The following MTUS2 variants were observed in gnomAD, a reference collection of about 807,000 sequenced individuals.
MTUS2 encodes microtubule associated scaffold protein 2.
In MTUS2, 40 loss-of-function variants were observed where a neutral mutation model predicts 114.1. The observed-to-expected ratio is 0.35, with a 90% CI of 0.27 to 0.46. MTUS2 has a LOEUF of 0.46. Among genes scored for constraint, MTUS2 ranks in the 20% least tolerant of loss-of-function variants. The probability of loss-of-function intolerance (pLI) is 1.00; values close to 1 mark genes in which losing one functional copy is unlikely to be tolerated. For synonymous variants in MTUS2, 688 were observed against 672.0 expected (o/e 1.02, Z -0.37); for missense variants, 1,679 against 1,705.4 (o/e 0.98, Z 0.27).
chr13:29,273,924 G>A (rs976893516), intron 5 of MTUS2, among the ~76,000 whole-genome samples: 3 of 152,112 alleles, frequency 2.0e-5, no homozygotes, highest in Non-Finnish European at 2.9e-5. Context: ...TTCATCAGTC[G>A]ATGGGGGGCC....
chr13:29,071,901 G>A (rs1162011092), intron 4 of MTUS2: 1 of 152,124 alleles, frequency 6.6e-6, no homozygotes, highest in African/African-American at 2.4e-5. Flanking sequence ...GAAAATGTAT[G>A]CGTACTGGGT....
At chr13:29,219,461 G>A (rs939831699) in intron 5 of MTUS2, among the ~76,000 whole-genome samples, 1 of 152,004 alleles carries the variant, frequency 6.6e-6, no homozygotes, top group Non-Finnish European at 1.5e-5. Context: ...ATAGCAGCAT[G>A]ATTTATAGTC....
At chr13:29,209,784 C>T (rs1235409223) in intron 5 of MTUS2, among the ~76,000 whole-genome samples, 1 of 152,176 alleles carries the variant, frequency 6.6e-6, no homozygotes, top group African/African-American at 2.4e-5. Context: ...TGTAGGGTTT[C>T]TGCTGAGAAA....
intron 9 of MTUS2, among the ~76,000 whole-genome samples, chr13:29,470,704 C>A (rs1285577638): frequency 6.6e-6 from 1 of 152,222 alleles, no homozygotes; most frequent in Non-Finnish European, 1.5e-5. Context: ...TTTTGAGGGG[C>A]CACAGGCCCT....
At chr13:29,272,306 A>T (rs942328448) in intron 5 of MTUS2, among the ~76,000 whole-genome samples, 1 of 151,978 alleles carries the variant, frequency 6.6e-6, no homozygotes, top group African/African-American at 2.4e-5. Context: ...TAGGATTGTT[A>T]AAAAAAATCA....
At chr13:29,094,762 T>C (rs557663793) in intron 4 of MTUS2, among the ~76,000 whole-genome samples, 1 of 152,150 alleles carries the variant, frequency 6.6e-6, no homozygotes, top group South Asian at 2.1e-4. Context: ...TGTTTTAAAG[T>C]CAAAAATTAC....
At chr13:29,019,515 T>C (rs756405176) in intron 2 of MTUS2, among the ~76,000 whole-genome samples, 19 of 152,332 alleles carry the variant, frequency 1.2e-4, no homozygotes, top group Admixed American at 5.9e-4. Flanking sequence ...GATAGAACGA[T>C]GCATTGAGAC....
At chr13:29,414,957 A>G (rs937047621) in intron 8 of MTUS2, among the ~76,000 whole-genome samples, 64 of 148,176 alleles carry the variant, frequency 4.3e-4, no homozygotes, top group African/African-American at 1.4e-3. Flanking sequence ...TATGCTTTAA[A>G]TGTGTCCGAT....
chr13:29,043,562 A>C (rs1238912731), intron 4 of MTUS2, among the ~76,000 whole-genome samples: 1 of 140,646 alleles, frequency 7.1e-6, no homozygotes, highest in Non-Finnish European at 1.5e-5. Flanking sequence ...ATTGCAGTCT[A>C]TGTCATATGT....
chr13:29,340,057 A>C (rs899485957), intron 7 of MTUS2, among the ~76,000 whole-genome samples: 12 of 152,264 alleles, frequency 7.9e-5, no homozygotes, highest in African/African-American at 2.7e-4. Context: ...TCAGGACGCC[A>C]GAAAGCGCGC....
intron 3 of MTUS2, 136 bp from the exon 4 acceptor site, chr13:29,033,749 G>A: frequency 1.0e-6 from 1 of 997,910 alleles, no homozygotes; most frequent in Non-Finnish European, 1.5e-6. Flanking sequence ...GTGGCCCGGG[G>A]AAGGTAGGGG....
At chr13:29,015,428 G>C (rs1409546058) in intron 2 of MTUS2, among the ~76,000 whole-genome samples, 1 of 152,106 alleles carries the variant, frequency 6.6e-6, no homozygotes, top group Non-Finnish European at 1.5e-5. Context: ...AGGGTAGTAG[G>C]TATTTATTCA....
intron 5 of MTUS2, among the ~76,000 whole-genome samples, chr13:29,226,045 G>A (rs1896095226): frequency 6.6e-6 from 1 of 152,066 alleles, no homozygotes; most frequent in Non-Finnish European, 1.5e-5. Context: ...GGTTAGTGCT[G>A]GCCGTACTTT....
intron 5 of MTUS2, among the ~76,000 whole-genome samples, chr13:29,127,746 T>C (rs1055791365): frequency 2.4e-4 from 36 of 152,364 alleles, no homozygotes; most frequent in Admixed American, 2.0e-3. Context: ...CTTGCCCTGA[T>C]TCTCCTCTGA....
At chr13:28,842,138 G>A (rs902361321) in intron 2 of MTUS2, among the ~76,000 whole-genome samples, 1 of 151,924 alleles carries the variant, frequency 6.6e-6, no homozygotes, top group Non-Finnish European at 1.5e-5. Context: ...CCCCAGTGTT[G>A]TTTACATCTA....
In MTUS2 at chr13:29,060,647, C is replaced by T. The variant is rs1593434200; in HGVS notation, c.2446+26522C>T. ...TCTATTTAAAATAGGCTTTAAAAATCTAATCCTCCAATTTCTGCCTTTTAA... is the reference window on the plus strand; with the variant it reads ...TCTATTTAAAATAGGCTTTAAAAATTTAATCCTCCAATTTCTGCCTTTTAA... On this transcript the variant is annotated intron_variant, in intron 4 of 15. Transcript: ENST00000612955. 2.8e-5 allele frequency among the ~76,000 whole-genome samples: 4 copies of T among 144,850 alleles called. No individual in the cohort carries two copies. The Admixed American group carries it at 2.8e-4, about 10-fold the overall frequency.
intron 9 of MTUS2, among the ~76,000 whole-genome samples, chr13:29,464,051 G>T (rs570103016): frequency 1.3e-5 from 2 of 152,334 alleles, no homozygotes; most frequent in South Asian, 4.1e-4. Context: ...AGATGGCGTG[G>T]TAGAGCCATT....
At chr13:29,375,467 T>G in intron 8 of MTUS2, among the ~76,000 whole-genome samples, 1 of 129,608 alleles carries the variant, frequency 7.7e-6, no homozygotes, top group Non-Finnish European at 1.6e-5. Flanking sequence ...ACAACCGCAA[T>G]TACTTACTTT....
chr13:29,140,413 G>A (rs973814706), intron 5 of MTUS2, among the ~76,000 whole-genome samples: 2 of 152,228 alleles, frequency 1.3e-5, no homozygotes, highest in African/African-American at 4.8e-5. Context: ...TGACTTTGCT[G>A]TGAGGTTGGC....
Sources: gnomAD v4.1 joint callset for allele counts (sites outside exome capture counted in the v4.1 genomes callset) on GRCh38, gnomAD v4.1.1 for gene constraint, MANE v1.5 for transcripts, NCBI Gene and HGNC (gene_info 2026-07-23, HGNC 2026-07-21) for gene names.